Variants in NIPAL2 observed in about 807,000 individuals in gnomAD.
The protein encoded by NIPAL2 is NIPA like domain containing 2.
A neutral mutation model predicts 48.9 loss-of-function variants in NIPAL2; 43 were observed. That is an observed-to-expected ratio of 0.88 (90% CI 0.69 to 1.13). NIPAL2 has a LOEUF of 1.13. NIPAL2 is among the 50% of genes most tolerant of loss of function. NIPAL2 has a pLI of 0.00. For synonymous variants in NIPAL2, 167 were observed against 174.6 expected (o/e 0.96, Z 0.34); for missense variants, 446 against 461.4 (o/e 0.97, Z 0.31).
Position 98,294,085 on chromosome 8 carries a change from T to C in NIPAL2, c.53A>G (p.Asp18Gly). 6.7e-7 allele frequency: 1 copy of C among 1,493,746 alleles called. No homozygotes were observed. The highest frequency in any genetic ancestry group is 8.9e-7 in the Non-Finnish European group (1 of 1,122,142). 92.5% of individuals were successfully genotyped at this position (1,493,746 alleles called of 1,614,324 possible). ...GPGDSASAAL[D>G]ELSLNFTYGA... ...GTACGTGAAATTCAGTGACAGCTCG[T>C]CCAGGGCGGCCGAGGCGGAGTCCCC... The change falls in exon 1 of 11, where the codon GAC (aspartate) becomes GGC (glycine). Residue 18 changes from aspartate to glycine, a missense_variant. Asp to Gly is a moderately conservative substitution (Grantham distance 94). Transcript: ENST00000430223.
At chr8:98,251,909 A>AT (rs1335300600) in intron 3 of NIPAL2, among the ~76,000 whole-genome samples, 1 of 152,108 alleles carries the variant, frequency 6.6e-6, no homozygotes, top group Non-Finnish European at 1.5e-5. Flanking sequence ...ATTTTTGCTC[A>AT]TTTTTTTCAG....
chr8:98,239,453 A>G (rs903208171), intron 3 of NIPAL2, among the ~76,000 whole-genome samples: 5 of 152,234 alleles, frequency 3.3e-5, no homozygotes, highest in Non-Finnish European at 5.9e-5. Flanking sequence ...GAGGAGGGGA[A>G]AATGTTATAT....
Position 98,212,463 on chromosome 8 carries a change from G to A in NIPAL2, c.597C>T (p.Phe199=), listed in dbSNP as rs745359861. 7 of 1,568,798 alleles carry A rather than the reference G, an allele frequency of 4.5e-6. No homozygotes were observed. The Middle Eastern group carries it at 5.0e-4, about 113-fold the overall frequency. The part of the protein sequence containing the change: ...EILIFCILLY[F]YKRKGMKHMV... ...TATGCTTCATTCCTTTTCTTTTATA[G>A]AAATACAGGAGAATGCAGAAAATTA... Residue 199 remains phenylalanine (F), a synonymous_variant, in exon 6 of 11, where the codon TTC becomes TTT. Transcript: ENST00000430223.
intron 3 of NIPAL2, among the ~76,000 whole-genome samples, chr8:98,239,753 A>G (rs1346397564): frequency 3.9e-5 from 6 of 152,230 alleles, no homozygotes; most frequent in African/African-American, 9.6e-5. Context: ...AAGGCAAGAA[A>G]AAAAGAACAT....
chr8:98,242,494 T>TGTTTTTTTTTTTTTTTTG (rs71273113), intron 3 of NIPAL2, among the ~76,000 whole-genome samples: 1 of 141,356 alleles, frequency 7.1e-6, no homozygotes, highest in Non-Finnish European at 1.6e-5. Flanking sequence ...ACAGATTTTT[T>TGTTTTTTTTTTTTTTTTG]TTTTTTTTTT....
chr8:98,222,678 T>C, intron 4 of NIPAL2, 78 bp from the exon 5 acceptor site: 1 of 1,419,076 alleles, frequency 7.0e-7, no homozygotes, highest in Non-Finnish European at 9.8e-7. Context: ...GCCTAGAGAC[T>C]GCGCATTACT....
intron 3 of NIPAL2, among the ~76,000 whole-genome samples, chr8:98,240,445 G>C (rs141171095): frequency 2.0e-4 from 31 of 152,296 alleles, no homozygotes; most frequent in African/African-American, 5.5e-4. Context: ...AAAACTCACT[G>C]CCCATAGTCA....
At chr8:98,195,306 A>G (rs922227968) in intron 9 of NIPAL2, among the ~76,000 whole-genome samples, 1 of 152,190 alleles carries the variant, frequency 6.6e-6, no homozygotes, top group African/African-American at 2.4e-5. Context: ...CCTAGGCTCA[A>G]GTTTGCATAA....
At chr8:98,252,306 G>T in intron 3 of NIPAL2, 157 bp downstream of exon 3, 3 of 694,954 alleles carry the variant, frequency 4.3e-6, no homozygotes, top group Non-Finnish European at 6.6e-6. Context: ...CATGACAATG[G>T]ATCGCTGAAA....
chr8:98,264,190 A>G (rs1814553157), intron 1 of NIPAL2, among the ~76,000 whole-genome samples: 1 of 146,304 alleles, frequency 6.8e-6, no homozygotes, highest in African/African-American at 2.5e-5. Context: ...ATGGGCAAAA[A>G]CTGGAAGCAT....
rs575936309 is a variant in NIPAL2, at chr8:98,274,107, T to C, written c.135+19896A>G. ...AAATGTGCTGTGTGTGAATCAACATTTGCTTTATGACCTAATACATGGTAT... is the reference window on the plus strand; with the variant it reads ...AAATGTGCTGTGTGTGAATCAACATCTGCTTTATGACCTAATACATGGTAT... On this transcript the variant is annotated intron_variant, in intron 1 of 10. Transcript: ENST00000430223. Among the ~76,000 whole-genome samples the C allele has an allele frequency of 8.5e-5, 13 of 152,232 alleles. 1 individual carries two copies. In the South Asian group the frequency reaches 2.5e-3, roughly 29 times the overall value.
rs143170810 is a variant in NIPAL2 at position 98,203,846 on chromosome 8, C to CTGTGTGTGTGTGTG, written c.792-664_792-651dup. On this transcript the variant is annotated intron_variant, in intron 7 of 10. Transcript: ENST00000430223. ...GAAAAAAGTACTTTGTGGGTAGAGC[C>CTGTGTGTGTGTGTG]TGTGTGTGTGTGTGTGTGTGTGTGT... 1.9e-3 allele frequency among the ~76,000 whole-genome samples: 277 copies of CTGTGTGTGTGTGTG among 146,820 alleles called. 1 individual carries two copies. Among genetic ancestry groups the CTGTGTGTGTGTGTG allele is most frequent in the African/African-American group, 6.7e-3 (265 of 39,764 alleles).
intron 5 of NIPAL2, among the ~76,000 whole-genome samples, chr8:98,218,818 G>A (rs1433309196): frequency 2.0e-5 from 3 of 152,224 alleles, no homozygotes; most frequent in Non-Finnish European, 4.4e-5. Context: ...AGGGGAGGCA[G>A]ACAGGTACAA....
At chr8:98,204,123 A>G (rs539672955) in intron 7 of NIPAL2, among the ~76,000 whole-genome samples, 18 of 152,318 alleles carry the variant, frequency 1.2e-4, no homozygotes, top group African/African-American at 4.1e-4. Context: ...TTTACAAAGT[A>G]TGGTATGAAG....
chr8:98,193,017 G>A lies in NIPAL2; in HGVS notation c.1113C>T (p.Asp371=). 2.5e-6 allele frequency: 4 copies of A among 1,614,000 alleles called. No individual in the cohort carries two copies. Among genetic ancestry groups the A allele is most frequent in the Non-Finnish European group, 3.4e-6 (4 of 1,179,900 alleles). The change falls in exon 11 of 11, where the codon GAC becomes GAT. Residue 371 remains aspartate (D), a synonymous_variant. Coordinates refer to ENST00000430223, the MANE Select transcript of NIPAL2 (RefSeq NM_001321635.2). ...TCTCTCCACTTTGGCTCTTTGTTGA[G>A]TCACTTCCATCAGGCAAAGTTCCAT... The part of the protein sequence containing the change: ...LSYGTLPDGS[D]STKSQSGEKK...
chr8:98,283,760 C>T (rs1815995406), intron 1 of NIPAL2, among the ~76,000 whole-genome samples: 1 of 152,256 alleles, frequency 6.6e-6, no homozygotes, highest in South Asian at 2.1e-4. Flanking sequence ...GCAATGCCTG[C>T]CTTGAACTCC....
At chr8:98,293,694 G>A (rs1327204501) in intron 1 of NIPAL2, among the ~76,000 whole-genome samples, 3 of 152,222 alleles carry the variant, frequency 2.0e-5, no homozygotes, top group Non-Finnish European at 4.4e-5. Context: ...GAGGGCGGAC[G>A]CAGGCTGGGG....
intron 1 of NIPAL2, among the ~76,000 whole-genome samples, chr8:98,270,447 AT>A (rs1282046048): frequency 2.0e-5 from 3 of 151,884 alleles, no homozygotes; most frequent in African/African-American, 7.3e-5. Flanking sequence ...GATGTTCAGC[AT>A]TTTTTCCGTG....
At chr8:98,252,431 GTT>G in intron 3 of NIPAL2, 30 bp downstream of exon 3, 2 of 1,537,154 alleles carry the variant, frequency 1.3e-6, no homozygotes, top group Middle Eastern at 1.8e-4. Flanking sequence ...TGCTCTTTAA[GTT>G]TCTATTTGTC....
Sources: gnomAD v4.1 joint callset for allele counts (sites outside exome capture counted in the v4.1 genomes callset) on GRCh38, gnomAD v4.1.1 for gene constraint, MANE v1.5 for transcripts, NCBI Gene and HGNC (gene_info 2026-07-23, HGNC 2026-07-21) for gene names.